The following FAM217A variants were observed in gnomAD, a reference collection of about 807,000 sequenced individuals.
FAM217A encodes protein FAM217A.
In FAM217A, 13 loss-of-function variants were observed where a neutral mutation model predicts 18.5. That is an observed-to-expected ratio of 0.70 (90% CI 0.46 to 1.12). The LOEUF is 1.12. FAM217A is among the 50% of genes most tolerant of loss of function. The pLI, the probability that FAM217A is intolerant of heterozygous loss-of-function variation, is 0.00. For missense variants in FAM217A, 560 were observed against 575.4 expected (o/e 0.97, Z 0.27); for synonymous variants, 161 against 202.8 (o/e 0.79, Z 1.75).
chr6:4,078,628 G>A (rs914049053), intron 1 of FAM217A, among the ~76,000 whole-genome samples: 7 of 152,224 alleles, frequency 4.6e-5, no homozygotes, highest in Non-Finnish European at 8.8e-5. Flanking sequence ...CGCACCTGAA[G>A]GACGGCCCTG....
chr6:4,084,476 C>T, intron 2 of FAM217A: 1 of 612,286 alleles, frequency 1.6e-6, no homozygotes, highest in African/African-American at 1.8e-5. Context: ...CTTCATAAGC[C>T]TTTCTGTTTT....
chr6:4,075,404 A>G (rs943447313), intron 2 of FAM217A, among the ~76,000 whole-genome samples: 2 of 152,172 alleles, frequency 1.3e-5, no homozygotes, highest in Non-Finnish European at 2.9e-5. Context: ...AACCACAGGA[A>G]GTCTCTAACC....
rs748750753 is a variant in FAM217A, at chr6:4,069,412, T to A, written c.811A>T (p.Asn271Tyr). ...GCAGGGTCCACTGTCACTTTCCAAT[T>A]GTCAGATTTGGAGAGGGCTAAATTG... is the stretch of plus-strand genomic sequence containing the variant. ...LHNLALSKSDNWKVTVDPAET... is the reference protein window; with the variant it reads ...LHNLALSKSDYWKVTVDPAET... The change falls in exon 7 of 7, where the codon AAT (asparagine) becomes TAT (tyrosine). Residue 271 changes from asparagine (N) to tyrosine (Y), a missense_variant. Coordinates refer to ENST00000274673, the MANE Select transcript of FAM217A (RefSeq NM_173563.3). 1.9e-5 allele frequency: 31 copies of A among 1,614,048 alleles called. No individual in the cohort carries two copies. Among genetic ancestry groups the A allele is most frequent in the Non-Finnish European group, 2.4e-5 (28 of 1,180,034 alleles).
At chr6:4,082,039 C>T (rs114253088), upstream of FAM217A, among the ~76,000 whole-genome samples, 301 of 152,308 alleles carry the variant, frequency 2.0e-3, no homozygotes, top group African/African-American at 6.7e-3. Flanking sequence ...ATCACCCCCA[C>T]TCAACTGGTC....
In FAM217A at chr6:4,068,695, G is replaced by A; in HGVS notation, c.*1C>T. The A allele has an allele frequency of 1.9e-6, 3 of 1,588,768 alleles. No homozygotes were observed. Among genetic ancestry groups the A allele is most frequent in the Non-Finnish European group, 2.6e-6 (3 of 1,170,782 alleles). On this transcript the variant is annotated 3_prime_UTR_variant, in exon 7 of 7. Transcript: ENST00000274673. ...ACATTGAGATGTATGAAAGAAAAGA[G>A]TTATTTTTGTTCAATGGGTGAGCAG...
Position 4,068,800 on chromosome 6 carries a change from G to T in FAM217A, c.1423C>A (p.Gln475Lys). Residue 475 changes from glutamine to lysine, a missense_variant, in exon 7 of 7, where the codon CAA becomes AAA. Coordinates refer to ENST00000274673, the MANE Select transcript of FAM217A (RefSeq NM_173563.3). ...NFGTKKKLYRQNIVLNRPFSI... is the reference protein window; with the variant it reads ...NFGTKKKLYRKNIVLNRPFSI... ...AATGGTCTATTCAACACTATATTTTGTCGGTAAAGTTTCTTTTTGGTCCCA... is the reference window on the plus strand; with the variant it reads ...AATGGTCTATTCAACACTATATTTTTTCGGTAAAGTTTCTTTTTGGTCCCA... 1 of 1,614,132 alleles carries T rather than the reference G, an allele frequency of 6.2e-7. No individual in the cohort carries two copies.
intron 2 of FAM217A, among the ~76,000 whole-genome samples, chr6:4,075,289 A>T (rs564942591): frequency 6.6e-6 from 1 of 152,292 alleles, no homozygotes; most frequent in Non-Finnish European, 1.5e-5. Flanking sequence ...AGCTGCAATC[A>T]CACCACTGCA....
chr6:4,085,309 A>ATATATATAT lies in FAM217A; in HGVS notation c.19-500_19-499insATATATATA, dbSNP rs1218177567. 1.7e-4 allele frequency among the ~76,000 whole-genome samples: 19 copies of ATATATATAT among 114,406 alleles called. 1 individual carries two copies. The highest frequency in any genetic ancestry group is 6.8e-4 in the African/African-American group (19 of 28,144). The allele number at this position is 114,406 out of a possible 152,430, so 75.1% of individuals were successfully genotyped here. A position where few individuals can be genotyped will look rare whatever the true frequency, so the allele number is the denominator to read the frequency against. ...CTAGAAGTGTTATTCATTGTAAAAA[A>ATATATATAT]AAATATATATATATATATAAAATAT... On this transcript the variant is annotated intron_variant, in intron 1 of 8. Coordinates refer to the FAM217A transcript ENST00000639338.
At chr6:4,085,912 C>G (rs1035148576) in intron 1 of FAM217A, among the ~76,000 whole-genome samples, 1 of 151,900 alleles carries the variant, frequency 6.6e-6, no homozygotes, top group Non-Finnish European at 1.5e-5. Flanking sequence ...GAGTTTGAGA[C>G]CAGCCAGGGT....
rs1769220427 is a variant in FAM217A at position 4,069,149 on chromosome 6, A to T, written c.1074T>A (p.Gly358=). 12 of 1,614,006 alleles carry T rather than the reference A, an allele frequency of 7.4e-6. No homozygotes were observed. Among genetic ancestry groups the T allele is most frequent in the Non-Finnish European group, 1.0e-5 (12 of 1,180,032 alleles). The change falls in exon 7 of 7, where the codon GGT becomes GGA. Residue 358 remains glycine, a synonymous_variant. Transcript: ENST00000274673. ...KSQEKSKNNS[G]SCKLEQNALK... Reference sequence around the variant, plus strand: ...AAGCATTTTGTTCAAGCTTACAAGAACCAGAGTTGTTTTTACTTTTTTCTT... The same window carrying T: ...AAGCATTTTGTTCAAGCTTACAAGATCCAGAGTTGTTTTTACTTTTTTCTT...
intron 2 of FAM217A, among the ~76,000 whole-genome samples, chr6:4,075,248 C>A (rs1581884624): frequency 6.6e-6 from 1 of 152,140 alleles, no homozygotes; most frequent in Non-Finnish European, 1.5e-5. Context: ...GCAGGAGAAT[C>A]GCTTGAACCC....
chr6:4,084,324 T>G (rs1441269950), intron 2 of FAM217A, among the ~76,000 whole-genome samples: 1 of 152,212 alleles, frequency 6.6e-6, no homozygotes, highest in Admixed American at 6.5e-5. Flanking sequence ...TATTAACATA[T>G]TTCCAAAAGG....
At chr6:4,082,670 C>T (rs1770378010), upstream of FAM217A, among the ~76,000 whole-genome samples, 1 of 152,246 alleles carries the variant, frequency 6.6e-6, no homozygotes, top group Admixed American at 6.5e-5. Flanking sequence ...TGGGTTCCCC[C>T]ACTCAGGCTG....
intron 1 of FAM217A, among the ~76,000 whole-genome samples, chr6:4,085,692 AATT>A (rs781134944): frequency 6.6e-6 from 1 of 152,198 alleles, no homozygotes; most frequent in Non-Finnish European, 1.5e-5. Context: ...ACACCTGTAA[AATT>A]ATGAGAATCA....
chr6:4,073,483 G>A lies in FAM217A; in HGVS notation c.184C>T (p.Gln62Ter), dbSNP rs184182245. The change falls in exon 5 of 7, where the codon CAA becomes TAA. Residue 62 changes from glutamine (Q) to a stop codon, truncating the protein, a stop_gained. Coordinates refer to ENST00000274673, the MANE Select transcript of FAM217A (RefSeq NM_173563.3). LOFTEE classifies it high-confidence loss of function. ...NKNYLEIPVE[Q>*]LMLEPNLSVH... ...GACAAATTAGGTTCTAGCATCAGTT[G>A]CTCCACTGGAATTTCCAAATAGTTC... The A allele has an allele frequency of 3.2e-5, 51 of 1,613,406 alleles. No homozygotes were observed. The highest frequency in any genetic ancestry group is 5.0e-5 in the Admixed American group (3 of 59,968).
At chr6:4,077,265 G>C in intron 2 of FAM217A, 90 bp downstream of exon 2, 1 of 1,278,300 alleles carries the variant, frequency 7.8e-7, no homozygotes, top group Non-Finnish European at 1.1e-6. Context: ...AACGCAGCAA[G>C]GGCATCACTA....
intron 6 of FAM217A, among the ~76,000 whole-genome samples, chr6:4,072,924 C>T (rs138685864): frequency 6.6e-6 from 1 of 152,198 alleles, no homozygotes; most frequent in Non-Finnish European, 1.5e-5. Flanking sequence ...CTTACATGGT[C>T]GGTTGTGATT....
At chr6:4,087,339 G>C, upstream of FAM217A, 1 of 1,231,836 alleles carries the variant, frequency 8.1e-7, no homozygotes, top group Non-Finnish European at 1.0e-6. Context: ...TCTCTGCTTT[G>C]AAAATGCAGG....
chr6:4,071,118 T>C (rs1769380834), intron 6 of FAM217A, among the ~76,000 whole-genome samples: 1 of 152,142 alleles, frequency 6.6e-6, no homozygotes, highest in South Asian at 2.1e-4. Flanking sequence ...AATAGACACG[T>C]ACATGTAGTA....
Sources: gnomAD v4.1 joint callset for allele counts (sites outside exome capture counted in the v4.1 genomes callset) on GRCh38, gnomAD v4.1.1 for gene constraint, MANE v1.5 for transcripts, NCBI Gene and HGNC (gene_info 2026-07-23, HGNC 2026-07-21) for gene names.